The following MAPKAP1 variants were observed in gnomAD, a reference collection of about 807,000 sequenced individuals.
MAPKAP1 encodes MAPK associated protein 1.
A neutral mutation model predicts 65.7 loss-of-function variants in MAPKAP1; 20 were observed. The ratio of observed to expected loss-of-function variants is 0.30; its 90% CI spans 0.21 to 0.44. The LOEUF (loss-of-function observed/expected upper bound fraction) is 0.44. Ranked by LOEUF, MAPKAP1 falls within the 20% of genes least tolerant of loss-of-function variation. The pLI is 1.00. For missense variants in MAPKAP1, 423 were observed against 648.0 expected, an observed-to-expected ratio of 0.65 and a Z score of 3.77; for synonymous variants, 222 against 244.3, an observed-to-expected ratio of 0.91 and a Z score of 0.85.
intron 1 of MAPKAP1, among the ~76,000 whole-genome samples, chr9:125,688,878 G>T (rs1367678091): frequency 6.6e-6 from 1 of 152,130 alleles, no homozygotes; most frequent in African/African-American, 2.4e-5. Flanking sequence ...AGTCAGGATA[G>T]CCTGGCTCCA....
chr9:125,496,024 A>G (rs1854929648), intron 8 of MAPKAP1, among the ~76,000 whole-genome samples: 1 of 152,222 alleles, frequency 6.6e-6, no homozygotes, highest in Non-Finnish European at 1.5e-5. Flanking sequence ...TTTACTGTAC[A>G]CAATCTCACT....
At chr9:125,456,805 T>C (rs1225592395) in intron 10 of MAPKAP1, among the ~76,000 whole-genome samples, 1 of 152,126 alleles carries the variant, frequency 6.6e-6, no homozygotes, top group Admixed American at 6.5e-5. Flanking sequence ...GATTGCAGCC[T>C]TTTGAGAGAC....
chr9:125,652,249 GGAA>G, intron 4 of MAPKAP1: 1 of 1,259,732 alleles, frequency 7.9e-7, no homozygotes, highest in Non-Finnish European at 1.0e-6. Flanking sequence ...GACATAGACT[GGAA>G]CAATGCTGAA....
chr9:125,533,161 G>A, intron 7 of MAPKAP1, among the ~76,000 whole-genome samples: 1 of 152,076 alleles, frequency 6.6e-6, no homozygotes, highest in East Asian at 1.9e-4. Flanking sequence ...AAACTATAGA[G>A]CACATCTTAA....
At chr9:125,689,057 C>T (rs1317145529) in intron 1 of MAPKAP1, among the ~76,000 whole-genome samples, 1 of 152,112 alleles carries the variant, frequency 6.6e-6, no homozygotes, top group Non-Finnish European at 1.5e-5. Flanking sequence ...GAGGGTTAGG[C>T]GTATAAAGTG....
At chr9:125,469,409 T>A (rs565253734) in intron 9 of MAPKAP1, among the ~76,000 whole-genome samples, 3 of 152,132 alleles carry the variant, frequency 2.0e-5, no homozygotes, top group East Asian at 1.9e-4. Flanking sequence ...AATTTAAAAT[T>A]AAAAAAACAA....
At chr9:125,452,931 T>C (rs1853010491) in intron 10 of MAPKAP1, among the ~76,000 whole-genome samples, 1 of 151,892 alleles carries the variant, frequency 6.6e-6, no homozygotes, top group South Asian at 2.1e-4. Flanking sequence ...ATAAATGAAA[T>C]TAAAACTGAG....
rs888761078 is a variant in MAPKAP1 at position 125,437,415 on chromosome 9, T to C, written c.*1472A>G. ...AAAGTGTGTATTTATATGACTTTTA[T>C]TTTAATATCATTTTAATATCGAATA... On this transcript the variant is annotated 3_prime_UTR_variant, in exon 12 of 12. Coordinates refer to ENST00000265960, the MANE Select transcript of MAPKAP1 (RefSeq NM_001006617.3). 1 of 152,562 alleles carries C rather than the reference T, an allele frequency of 6.6e-6. No homozygotes were observed. The highest frequency in any genetic ancestry group is 1.9e-4 in the East Asian group (1 of 5,194). The allele number at this position is 152,562 out of a possible 1,614,324, so 9.5% of individuals were successfully genotyped here.
chr9:125,518,387 C>A (rs1048485113), intron 7 of MAPKAP1, among the ~76,000 whole-genome samples: 1 of 148,964 alleles, frequency 6.7e-6, no homozygotes, highest in Non-Finnish European at 1.5e-5. Context: ...ATCTGTAATC[C>A]CACATTACAT....
intron 6 of MAPKAP1, among the ~76,000 whole-genome samples, chr9:125,553,474 G>A (rs535802075): frequency 2.6e-5 from 4 of 151,972 alleles, no homozygotes; most frequent in Non-Finnish European, 4.4e-5. Context: ...TCTGGGAGGC[G>A]GAGGTTGCAG....
intron 9 of MAPKAP1, chr9:125,471,344 T>G (rs373308695): frequency 1.3e-5 from 2 of 152,184 alleles, no homozygotes; most frequent in African/African-American, 4.8e-5. Context: ...CAAGGAGGAG[T>G]TGGCTTGGTG....
In MAPKAP1 at chr9:125,670,834, C is replaced by T. The variant is rs560443681; in HGVS notation, c.260-927G>A. 3.9e-4 allele frequency among the ~76,000 whole-genome samples: 60 copies of T among 152,346 alleles called. No individual in the cohort carries two copies. In the South Asian group the frequency reaches 0.011, roughly 28 times the overall value. ...GTTTTCTCTTGCTAATCTTCAGCTT[C>T]CTATCCCAGCATTTTGCTAATAGAA... On this transcript the variant is annotated intron_variant, in intron 2 of 11. Transcript: ENST00000265960.
intron 4 of MAPKAP1, among the ~76,000 whole-genome samples, chr9:125,593,646 C>T (rs560914961): frequency 6.6e-6 from 1 of 150,756 alleles, no homozygotes; most frequent in Admixed American, 6.7e-5. Context: ...TGGGACAGAG[C>T]GAGACTCTGT....
At chr9:125,578,744 A>G (rs577026) in intron 5 of MAPKAP1, among the ~76,000 whole-genome samples, 86,269 of 152,054 alleles carry the variant, frequency 0.57, 24,834 homozygotes, top group East Asian at 0.82. Flanking sequence ...AGTGCATACT[A>G]TTGAAATATT....
At chr9:125,683,939 T>C (rs1834897854) in intron 1 of MAPKAP1, among the ~76,000 whole-genome samples, 1 of 152,214 alleles carries the variant, frequency 6.6e-6, no homozygotes, top group South Asian at 2.1e-4. Flanking sequence ...CCTTTGGTAA[T>C]GATACTCCTT....
At chr9:125,525,366 T>C (rs1415454377) in intron 7 of MAPKAP1, among the ~76,000 whole-genome samples, 1 of 152,180 alleles carries the variant, frequency 6.6e-6, no homozygotes, top group Non-Finnish European at 1.5e-5. Context: ...AAGAAACTTA[T>C]CAGAGAGCTA....
chr9:125,613,096 T>C (rs1305434984), intron 4 of MAPKAP1, among the ~76,000 whole-genome samples: 1 of 152,216 alleles, frequency 6.6e-6, no homozygotes, highest in Non-Finnish European at 1.5e-5. Flanking sequence ...AAGAGACAGA[T>C]GAGTGTTAGT....
intron 1 of MAPKAP1, among the ~76,000 whole-genome samples, chr9:125,692,163 G>C (rs1835189575): frequency 6.6e-6 from 1 of 152,108 alleles, no homozygotes; most frequent in Non-Finnish European, 1.5e-5. Flanking sequence ...CCACTCCTAG[G>C]AATATACCCA....
intron 10 of MAPKAP1, among the ~76,000 whole-genome samples, 169 bp from the exon 11 acceptor site, chr9:125,444,767 G>A (rs1394924082): frequency 6.6e-6 from 1 of 152,060 alleles, no homozygotes; most frequent in African/African-American, 2.4e-5. Flanking sequence ...GGTATAAAAT[G>A]GACAATGAAA....
Sources: gnomAD v4.1 joint callset for allele counts (sites outside exome capture counted in the v4.1 genomes callset) on GRCh38, gnomAD v4.1.1 for gene constraint, MANE v1.5 for transcripts, NCBI Gene and HGNC (gene_info 2026-07-23, HGNC 2026-07-21) for gene names.